CARMIL1: variants seen among roughly 807,000 people sequenced by gnomAD.
CARMIL1 encodes the protein F-actin-uncapping protein LRRC16A.
Under a neutral mutation model 177.1 loss-of-function variants are expected in CARMIL1, and 90 were observed. That is an observed-to-expected ratio of 0.51 (90% CI 0.43 to 0.61). The LOEUF (loss-of-function observed/expected upper bound fraction) is 0.61. Ranked by LOEUF, CARMIL1 falls within the 20% of genes least tolerant of loss-of-function variation. The pLI, the probability that CARMIL1 is intolerant of heterozygous loss-of-function variation, is 0.00. For synonymous variants in CARMIL1, 577 were observed against 606.2 expected (o/e 0.95, Z 0.71); for missense variants, 1,380 against 1,667.0 (o/e 0.83, Z 3.00).
chr6:25,334,476 A>G (rs959952465), intron 2 of CARMIL1, among the ~76,000 whole-genome samples: 2 of 151,440 alleles, frequency 1.3e-5, no homozygotes, highest in African/African-American at 4.9e-5. Flanking sequence ...TCTCAATCAA[A>G]TGGGGGAATT....
intron 2 of CARMIL1, among the ~76,000 whole-genome samples, chr6:25,394,644 C>T (rs1282806011): frequency 6.6e-6 from 1 of 152,156 alleles, no homozygotes; most frequent in Admixed American, 6.5e-5. Context: ...CCTCTCAAGC[C>T]AGTCTAATGG....
intron 13 of CARMIL1, 51 bp downstream of exon 13, chr6:25,488,636 C>G (rs1307801560): frequency 1.1e-5 from 15 of 1,393,166 alleles, no homozygotes; most frequent in Non-Finnish European, 1.0e-5. Context: ...GTTTAATAAG[C>G]CTGGAATAAT....
At chr6:25,396,028 G>A (rs1793355448) in intron 2 of CARMIL1, among the ~76,000 whole-genome samples, 1 of 152,134 alleles carries the variant, frequency 6.6e-6, no homozygotes, top group Admixed American at 6.5e-5. Flanking sequence ...CTGAAGGGTG[G>A]CACTCAAGCT....
intron 2 of CARMIL1, among the ~76,000 whole-genome samples, chr6:25,320,970 A>G (rs1784624350): frequency 6.6e-6 from 1 of 152,248 alleles, no homozygotes; most frequent in Non-Finnish European, 1.5e-5. Context: ...ATTTAAAGCC[A>G]TCCTGGACTG....
At chr6:25,383,813 TA>T (rs1458406863) in intron 2 of CARMIL1, 1 of 152,162 alleles carries the variant, frequency 6.6e-6, no homozygotes, top group Non-Finnish European at 1.5e-5. Context: ...AATAGGATAA[TA>T]AACTTCCCAT....
At chr6:25,356,042 T>C (rs1788564109) in intron 2 of CARMIL1, among the ~76,000 whole-genome samples, 1 of 142,202 alleles carries the variant, frequency 7.0e-6, no homozygotes. Flanking sequence ...TTCCTCCTTC[T>C]AAGACTTCTT....
In CARMIL1 at chr6:25,404,907, CTT is replaced by C. The variant is rs957197992; in HGVS notation, c.139-15203_139-15202del. 4.6e-5 allele frequency among the ~76,000 whole-genome samples: 7 copies of C among 152,266 alleles called. No homozygotes were observed. In the East Asian group the frequency reaches 1.2e-3, roughly 25 times the overall value. ...TGTAGCAGTAAAGACAGAGGAGTCA[CTT>C]TTTGTTTGTTGGTTCCCACTGAGGC... On this transcript the variant is annotated intron_variant, in intron 2 of 36. Coordinates refer to ENST00000329474, the MANE Select transcript of CARMIL1 (RefSeq NM_017640.6).
chr6:25,279,938 C>G, intron 1 of CARMIL1, 103 bp downstream of exon 1: 1 of 1,365,368 alleles, frequency 7.3e-7, no homozygotes, highest in Non-Finnish European at 1.0e-6. Context: ...GAAGTCTTGG[C>G]GCCCCTTAGG....
intron 2 of CARMIL1, among the ~76,000 whole-genome samples, chr6:25,366,183 G>C (rs897832355): frequency 6.6e-6 from 1 of 151,690 alleles, no homozygotes; most frequent in Non-Finnish European, 1.5e-5. Flanking sequence ...AAATTGTAGA[G>C]ATGTGCTCTC....
At chr6:25,409,741 C>T (rs773996486) in intron 2 of CARMIL1, among the ~76,000 whole-genome samples, 5 of 152,118 alleles carry the variant, frequency 3.3e-5, no homozygotes, top group African/African-American at 9.7e-5. Context: ...CATTTGCATG[C>T]GAGTACCATG....
At chr6:25,591,172 G>A (rs1814265275) in intron 31 of CARMIL1, among the ~76,000 whole-genome samples, 1 of 152,150 alleles carries the variant, frequency 6.6e-6, no homozygotes, top group Admixed American at 6.5e-5. Context: ...GAGAGATTTG[G>A]CAGCTGCCGC....
intron 2 of CARMIL1, among the ~76,000 whole-genome samples, chr6:25,321,804 G>A (rs537462502): frequency 5.5e-4 from 83 of 151,762 alleles, no homozygotes; most frequent in African/African-American, 1.8e-3. Context: ...GACTACAGGC[G>A]CCCGCCACCA....
chr6:25,549,941 ATAT>A (rs1809909562), intron 26 of CARMIL1, among the ~76,000 whole-genome samples: 1 of 152,226 alleles, frequency 6.6e-6, no homozygotes, highest in South Asian at 2.1e-4. Context: ...TAGACATGTA[ATAT>A]TATTTATTCT....
intron 23 of CARMIL1, among the ~76,000 whole-genome samples, chr6:25,522,742 G>A (rs1806700455): frequency 2.6e-5 from 4 of 152,202 alleles, no homozygotes; most frequent in Admixed American, 2.0e-4. Context: ...CTTGATGGCA[G>A]AGCTTATGTA....
intron 2 of CARMIL1, among the ~76,000 whole-genome samples, chr6:25,319,195 A>G (rs1485976667): frequency 6.6e-6 from 1 of 152,180 alleles, no homozygotes; most frequent in Non-Finnish European, 1.5e-5. Flanking sequence ...ACGAATTGTG[A>G]ATTATTCTGA....
intron 31 of CARMIL1, among the ~76,000 whole-genome samples, chr6:25,588,192 C>G (rs1813945821): frequency 6.6e-6 from 1 of 152,108 alleles, no homozygotes; most frequent in Non-Finnish European, 1.5e-5. Context: ...TTTTTGTATC[C>G]TCAAGCGTCC....
At chr6:25,605,006 T>A (rs1416417582) in intron 34 of CARMIL1, 113 bp downstream of exon 34, 1 of 776,688 alleles carries the variant, frequency 1.3e-6, no homozygotes, top group Admixed American at 2.7e-5. Flanking sequence ...CTGATCTCTT[T>A]GTTGTGTGTT....
chr6:25,334,858 C>G (rs1352582104), intron 2 of CARMIL1, among the ~76,000 whole-genome samples: 1 of 152,166 alleles, frequency 6.6e-6, no homozygotes, highest in Non-Finnish European at 1.5e-5. Context: ...GTCTTGACTA[C>G]ATCTGATCAA....
intron 2 of CARMIL1, among the ~76,000 whole-genome samples, chr6:25,333,883 T>C (rs1019681659): frequency 7.2e-5 from 11 of 152,218 alleles, no homozygotes; most frequent in African/African-American, 2.7e-4. Context: ...TATTTTAACA[T>C]GTTAGTACCA....
Sources: gnomAD v4.1 joint callset for allele counts (sites outside exome capture counted in the v4.1 genomes callset) on GRCh38, gnomAD v4.1.1 for gene constraint, MANE v1.5 for transcripts, NCBI Gene and HGNC (gene_info 2026-07-23, HGNC 2026-07-21) for gene names.